The following DZIP1 variants were observed in gnomAD, a reference collection of about 807,000 sequenced individuals.
DZIP1 encodes DAZ interacting zinc finger protein 1, also known as cilium assembly protein DZIP1.
A neutral mutation model predicts 107.6 loss-of-function variants in DZIP1; 97 were observed. The ratio of observed to expected loss-of-function variants is 0.90; its 90% CI spans 0.77 to 1.07. DZIP1 has a LOEUF of 1.07. DZIP1 is among the 50% of genes least tolerant of loss of function. The pLI is 0.00. For synonymous variants in DZIP1, 390 were observed against 386.4 expected, an observed-to-expected ratio of 1.01 and a Z score of -0.11; for missense variants, 1,035 against 1,063.6, an observed-to-expected ratio of 0.97 and a Z score of 0.37.
intron 14 of DZIP1, among the ~76,000 whole-genome samples, chr13:95,600,466 T>C (rs947394777): frequency 1.6e-4 from 24 of 152,186 alleles, no homozygotes; most frequent in Non-Finnish European, 1.3e-4. Flanking sequence ...ATGTGTGGTA[T>C]CTCAGATTTA....
chr13:95,627,248 A>G (rs1417670480), intron 7 of DZIP1, among the ~76,000 whole-genome samples: 1 of 152,248 alleles, frequency 6.6e-6, no homozygotes, highest in Non-Finnish European at 1.5e-5. Context: ...TGTTAGGAAC[A>G]TTCAATGAAA....
At chr13:95,610,316 T>TG (rs1043220905) in intron 12 of DZIP1, among the ~76,000 whole-genome samples, 85 of 151,232 alleles carry the variant, frequency 5.6e-4, no homozygotes, top group Non-Finnish European at 9.7e-4. Context: ...TTTTTTGGTT[T>TG]TTTTTTTTTA....
Position 95,583,790 on chromosome 13 carries a change from G to A in DZIP1, c.2524+946C>T, listed in dbSNP as rs1193744578. On this transcript the variant is annotated intron_variant, in intron 22 of 22. Coordinates refer to ENST00000376829, the MANE Select transcript of DZIP1 (RefSeq NM_198968.4). ...GATCAGAAATTTTAATTCCTAAAAG[G>A]CATCTTCATGAAGAGAATACGTGTA... Among the ~76,000 whole-genome samples the A allele has an allele frequency of 2.6e-5, 4 of 152,020 alleles. No individual in the cohort carries two copies. In the East Asian group the frequency reaches 7.7e-4, roughly 29 times the overall value.
intron 13 of DZIP1, among the ~76,000 whole-genome samples, chr13:95,606,441 T>A (rs2044780348): frequency 6.6e-6 from 1 of 152,214 alleles, no homozygotes; most frequent in Admixed American, 6.5e-5. Flanking sequence ...TCCATCTCTA[T>A]GAATTTGCCT....
intron 21 of DZIP1, among the ~76,000 whole-genome samples, chr13:95,585,543 T>C (rs1379523098): frequency 6.6e-6 from 1 of 152,234 alleles, no homozygotes; most frequent in East Asian, 1.9e-4. Context: ...TCTGGCGTCC[T>C]GGCTGTTAGA....
chr13:95,622,199 A>G, intron 9 of DZIP1, 144 bp downstream of exon 9: 7 of 982,422 alleles, frequency 7.1e-6, no homozygotes, highest in East Asian at 2.6e-5. Flanking sequence ...TGATTTAGGC[A>G]TGCTGTAGGA....
intron 14 of DZIP1, 84 bp downstream of exon 14, chr13:95,605,919 C>T (rs530374216): frequency 4.4e-6 from 6 of 1,350,422 alleles, no homozygotes; most frequent in Non-Finnish European, 6.3e-6. Context: ...TTAATTACCT[C>T]CACATAATCA....
At chr13:95,622,743 A>ATAT (rs11392207) in intron 8 of DZIP1, among the ~76,000 whole-genome samples, 2 of 140,864 alleles carry the variant, frequency 1.4e-5, no homozygotes, top group African/African-American at 2.6e-5. Context: ...AACGAGTCTA[A>ATAT]TTTTTTTTTT....
Position 95,581,984 on chromosome 13 carries a change from C to T in DZIP1, c.*250G>A, listed in dbSNP as rs2044020282. 2.8e-6 allele frequency: 1 copy of T among 361,146 alleles called. No individual in the cohort carries two copies. The highest frequency in any genetic ancestry group is 9.8e-5 in the South Asian group (1 of 10,186). The allele number at this position is 361,146 out of a possible 1,614,324, so 22.4% of individuals were successfully genotyped here. On this transcript the variant is annotated 3_prime_UTR_variant, in exon 23 of 23. Transcript: ENST00000376829. ...CTGAAGAAAAAACTTTTTATGACTT[C>T]AATGACATGTTATTTTTAAGCAGCA... is the stretch of plus-strand genomic sequence containing the variant.
chr13:95,644,395 G>A lies in DZIP1; in HGVS notation c.-544C>T, dbSNP rs1163236987. The A allele has an allele frequency of 1.3e-5, 2 of 152,718 alleles. No individual in the cohort carries two copies. Among genetic ancestry groups the A allele is most frequent in the East Asian group, 3.9e-4 (2 of 5,166 alleles). The allele number at this position is 152,718 out of a possible 1,614,324, so 9.5% of individuals were successfully genotyped here. On this transcript the variant is annotated 5_prime_UTR_variant, in exon 1 of 23. Transcript: ENST00000376829. ...GGCTCACCCCAGCTGCGCGCTCCTG[G>A]GCGGGTGCCGGGCGCTGCAGGCGGG...
intron 12 of DZIP1, among the ~76,000 whole-genome samples, chr13:95,610,826 A>T (rs2044977200): frequency 6.6e-6 from 1 of 152,178 alleles, no homozygotes; most frequent in Non-Finnish European, 1.5e-5. Flanking sequence ...TTTCTGATTT[A>T]AAAAGATGCG....
rs1413037971 is a variant in DZIP1 at position 95,611,468 on chromosome 13, A to G, written c.1340T>C (p.Leu447Ser). 6.2e-7 allele frequency: 1 copy of G among 1,613,778 alleles called. No individual in the cohort carries two copies. Among genetic ancestry groups the G allele is most frequent in the South Asian group, 1.1e-5 (1 of 91,058 alleles). The stretch of plus-strand genomic sequence containing the variant: ...ACCTTTGGGTTCACTGATACTGTTT[A>G]ATGGATTACAGGTAAAGTCTTTAAT... ...QQIKDFTCNP[L>S]NSISEPKGNP... The change falls in exon 12 of 23, where the codon TTA becomes TCA. Residue 447 changes from leucine (L) to serine (S), a missense_variant. Transcript: ENST00000376829.
chr13:95,600,651 G>GACAGACAGACA, intron 14 of DZIP1, among the ~76,000 whole-genome samples: 2 of 152,068 alleles, frequency 1.3e-5, no homozygotes, highest in African/African-American at 2.4e-5. Context: ...CAGACAGACA[G>GACAGACAGACA]GCTTAGGTAT....
chr13:95,605,675 C>T (rs566185415), intron 14 of DZIP1, among the ~76,000 whole-genome samples: 141 of 152,232 alleles, frequency 9.3e-4, no homozygotes, highest in Non-Finnish European at 1.8e-3. Flanking sequence ...GGTCTGGTAG[C>T]AGGTCACCCT....
In DZIP1 at chr13:95,590,528, C is replaced by T. The variant is rs1024862576; in HGVS notation, c.1681-87G>A. On this transcript the variant is annotated intron_variant, in intron 16 of 22. Coordinates refer to ENST00000376829, the MANE Select transcript of DZIP1 (RefSeq NM_198968.4). Reference sequence around the variant, plus strand: ...ATCAGCATTAACTGTGCCAACATTTCAATCCATCCTTACAGGGCTCCAGTT... The same window carrying T: ...ATCAGCATTAACTGTGCCAACATTTTAATCCATCCTTACAGGGCTCCAGTT... The T allele has an allele frequency of 3.0e-6, 4 of 1,351,840 alleles. No individual in the cohort carries two copies. The African/African-American group carries it at 4.4e-5, about 15-fold the overall frequency. The allele number at this position is 1,351,840 out of a possible 1,614,324, so 83.7% of individuals were successfully genotyped here. A position where few individuals can be genotyped will look rare whatever the true frequency, so the allele number is the denominator to read the frequency against.
At chr13:95,642,921 A>G (rs961469649) in intron 3 of DZIP1, 122 bp downstream of exon 3, 1 of 152,220 alleles carries the variant, frequency 6.6e-6, no homozygotes, top group African/African-American at 2.4e-5. Flanking sequence ...TCCCCAAAAT[A>G]TGTAATACTT....
At chr13:95,585,747 AAGT>A (rs1330988420) in intron 21 of DZIP1, among the ~76,000 whole-genome samples, 1 of 152,228 alleles carries the variant, frequency 6.6e-6, no homozygotes, top group Non-Finnish European at 1.5e-5. Context: ...TGATATCTGC[AAGT>A]ATCAGATAAT....
Position 95,641,494 on chromosome 13 carries a change from T to A in DZIP1, c.398A>T (p.His133Leu), listed in dbSNP as rs758896700. Residue 133 changes from histidine to leucine, a missense_variant, in exon 5 of 23, where the codon CAC becomes CTC. Coordinates refer to ENST00000376829, the MANE Select transcript of DZIP1 (RefSeq NM_198968.4). This position sits in a 1 kb window ranked among gnomAD's most constrained non-coding sequence, Gnocchi z 4.3. ...CTGCGAGGTGAGGAACTCTTGTGAG[T>A]GCAGCAAGTACTCGATGGTGAACTG... ...LAQFTIEYLL[H>L]SQEFLTSQLH... 1 of 1,614,094 alleles carries A rather than the reference T, an allele frequency of 6.2e-7. No homozygotes were observed. Among genetic ancestry groups the A allele is most frequent in the East Asian group, 2.2e-5 (1 of 44,878 alleles).
In DZIP1 at chr13:95,624,861, T is replaced by C; in HGVS notation, c.879A>G (p.Glu293=). The part of the protein sequence containing the change: ...LKLFDRWKEE[E]KEKLVDEMEK... ...CCATTTCATCAACTAGTTTCTCCTT[T>C]TCTTCTTCTTTCCACCTGTCAAATA... The change falls in exon 8 of 23, where the codon GAA becomes GAG. Residue 293 remains glutamate, a synonymous_variant. Coordinates refer to ENST00000376829, the MANE Select transcript of DZIP1 (RefSeq NM_198968.4). 1 of 1,612,018 alleles carries C rather than the reference T, an allele frequency of 6.2e-7. No homozygotes were observed. Among genetic ancestry groups the C allele is most frequent in the South Asian group, 1.1e-5 (1 of 90,976 alleles).
Sources: gnomAD v4.1 joint callset for allele counts (sites outside exome capture counted in the v4.1 genomes callset) on GRCh38, gnomAD v4.1.1 for gene constraint, Gnocchi (gnomAD v3.1) non-coding constraint, MANE v1.5 for transcripts, NCBI Gene and HGNC (gene_info 2026-07-23, HGNC 2026-07-21) for gene names.